The following PSD3 variants were observed in gnomAD, a reference collection of about 807,000 sequenced individuals.
PSD3 encodes PH and SEC7 domain-containing protein 3.
PSD3 carries 49 observed loss-of-function variants against 105.5 expected under a neutral mutation model. The observed-to-expected ratio is 0.46, with a 90% CI of 0.37 to 0.59. The LOEUF is 0.59. PSD3 is among the 20% of genes least tolerant of loss of function. The pLI, the probability that PSD3 is intolerant of heterozygous loss-of-function variation, is 0.00. For synonymous variants in PSD3, 557 were observed against 457.8 expected, an observed-to-expected ratio of 1.22 and a Z score of -2.77; for missense variants, 1,561 against 1,263.8, an observed-to-expected ratio of 1.24 and a Z score of -3.57.
At chr8:18,659,807 G>C (rs1159387601) in intron 9 of PSD3, among the ~76,000 whole-genome samples, 1 of 152,138 alleles carries the variant, frequency 6.6e-6, no homozygotes, top group Non-Finnish European at 1.5e-5. Flanking sequence ...TTTGTCATGA[G>C]AATGGCTAAA....
chr8:18,857,247 GCAGTAAACGCCTCTCAAAAGCAGCTTC>G (rs1198706928), intron 4 of PSD3, among the ~76,000 whole-genome samples: 1 of 152,196 alleles, frequency 6.6e-6, no homozygotes, highest in Non-Finnish European at 1.5e-5. Context: ...TAAGCAACTT[GCAGTAAACGCCTCTCAAAAGCAGCTTC>G]CAGTAAACGC....
chr8:18,583,255 G>T (rs959109422), intron 12 of PSD3, among the ~76,000 whole-genome samples: 2 of 152,106 alleles, frequency 1.3e-5, no homozygotes, highest in African/African-American at 4.8e-5. Context: ...CCTGGGTAAC[G>T]AAGTGAGATC....
At chr8:18,542,687 C>T (rs1033637154) in intron 15 of PSD3, among the ~76,000 whole-genome samples, 8 of 152,152 alleles carry the variant, frequency 5.3e-5, no homozygotes, top group Non-Finnish European at 1.2e-4. Flanking sequence ...AAGAGTCTTG[C>T]AGTCAAGTAG....
intron 1 of PSD3, among the ~76,000 whole-genome samples, chr8:19,036,107 A>T (rs1827936488): frequency 6.6e-6 from 1 of 152,144 alleles, no homozygotes; most frequent in Non-Finnish European, 1.5e-5. Flanking sequence ...ACCACTGCTG[A>T]GCCTTTTAGT....
intron 10 of PSD3, among the ~76,000 whole-genome samples, chr8:18,643,211 G>C (rs1158848095): frequency 6.6e-6 from 1 of 152,188 alleles, no homozygotes; most frequent in Non-Finnish European, 1.5e-5. Flanking sequence ...GTGTGAGAGA[G>C]GAAGAGGGCT....
At chr8:19,068,592 C>G (rs1319722021) in intron 1 of PSD3, among the ~76,000 whole-genome samples, 1 of 152,126 alleles carries the variant, frequency 6.6e-6, no homozygotes, top group Admixed American at 6.5e-5. Context: ...TGCTCATCTT[C>G]CTCTTCCCTT....
intron 14 of PSD3, among the ~76,000 whole-genome samples, chr8:18,559,099 A>C (rs1039281654): frequency 3.3e-5 from 5 of 152,136 alleles, no homozygotes; most frequent in African/African-American, 1.2e-4. Flanking sequence ...ACATTCTTAC[A>C]CATGTCTCCT....
intron 1 of PSD3, among the ~76,000 whole-genome samples, chr8:19,071,699 G>A (rs1245506464): frequency 2.1e-5 from 3 of 140,852 alleles, no homozygotes; most frequent in African/African-American, 8.1e-5. Flanking sequence ...GATTTCACGT[G>A]TCTGCCTCCG....
intron 2 of PSD3, among the ~76,000 whole-genome samples, chr8:18,902,447 T>C (rs1003870684): frequency 6.6e-6 from 1 of 152,250 alleles, no homozygotes; most frequent in Non-Finnish European, 1.5e-5. Context: ...TGAGTTACCA[T>C]AAAATTATTA....
Position 18,868,016 on chromosome 8 carries a change from G to A in PSD3, c.1292C>T (p.Pro431Leu), listed in dbSNP as rs745354131. 1.6e-5 allele frequency: 26 copies of A among 1,613,700 alleles called. No homozygotes were observed. The highest frequency in any genetic ancestry group is 2.2e-5 in the Non-Finnish European group (26 of 1,179,932). ...VKGEDEDILG[P>L]GYTEDSTDVY... ...GTCGGTGGAGTCCTCCGTATATCCA[G>A]GCCCAAGGATGTCTTCATCTTCCCC... Residue 431 changes from proline to leucine, a missense_variant, in exon 4 of 16, where the codon CCT becomes CTT. Transcript: ENST00000327040.
intron 1 of PSD3, among the ~76,000 whole-genome samples, chr8:18,964,788 T>A (rs1310843624): frequency 6.6e-6 from 1 of 152,206 alleles, no homozygotes; most frequent in African/African-American, 2.4e-5. Context: ...CTTTTACTTA[T>A]TTTGAAACTC....
At chr8:19,069,002 C>T (rs1211969442) in intron 1 of PSD3, among the ~76,000 whole-genome samples, 1 of 152,124 alleles carries the variant, frequency 6.6e-6, no homozygotes, top group East Asian at 1.9e-4. Context: ...CTTCATAATA[C>T]CTCAGCTTCC....
At chr8:18,733,892 A>G (rs886800564) in intron 9 of PSD3, 2 of 152,672 alleles carry the variant, frequency 1.3e-5, no homozygotes, top group African/African-American at 4.8e-5. Flanking sequence ...AAAAAAAGAA[A>G]AAGAGCAGAA....
Position 18,928,455 on chromosome 8 carries a change from T to C in PSD3, c.130+7579A>G, listed in dbSNP as rs533467166. 2.0e-4 allele frequency among the ~76,000 whole-genome samples: 30 copies of C among 152,344 alleles called. No individual in the cohort carries two copies. In the South Asian group the frequency reaches 6.2e-3, roughly 32 times the overall value. ...TTAGCAGCGTGAGAACAGACTAATG[T>C]ATTAAATTTCCCTCAAATGGTGAAC... On this transcript the variant is annotated intron_variant, in intron 2 of 15. Coordinates refer to ENST00000327040, the MANE Select transcript of PSD3 (RefSeq NM_015310.4).
At chr8:18,867,319 C>G (rs1012170167) in intron 4 of PSD3, among the ~76,000 whole-genome samples, 3 of 152,204 alleles carry the variant, frequency 2.0e-5, no homozygotes, top group African/African-American at 7.2e-5. Flanking sequence ...TTCAACCACC[C>G]TCAGTGCCAG....
intron 14 of PSD3, among the ~76,000 whole-genome samples, chr8:18,564,249 T>C (rs1476034281): frequency 1.3e-5 from 2 of 152,136 alleles, no homozygotes; most frequent in Admixed American, 6.6e-5. Context: ...ATATTTAGTA[T>C]TGGGATAAGG....
At chr8:18,966,082 C>T (rs1824224763) in intron 1 of PSD3, among the ~76,000 whole-genome samples, 1 of 152,180 alleles carries the variant, frequency 6.6e-6, no homozygotes, top group South Asian at 2.1e-4. Flanking sequence ...CCCAGGATTA[C>T]AGCTAGCACT....
chr8:18,874,779 T>G (rs1439605903), intron 2 of PSD3, among the ~76,000 whole-genome samples: 3 of 152,010 alleles, frequency 2.0e-5, no homozygotes, highest in African/African-American at 7.2e-5. Context: ...CTGATAATTA[T>G]TAATTACTGA....
chr8:18,656,515 T>C (rs1808907208), intron 9 of PSD3, among the ~76,000 whole-genome samples: 1 of 152,170 alleles, frequency 6.6e-6, no homozygotes, highest in Non-Finnish European at 1.5e-5. Context: ...TTATTATAAA[T>C]GTAACATCCC....
Sources: allele counts gnomAD v4.1 joint callset (sites outside exome capture counted in the v4.1 genomes callset), GRCh38; gene constraint gnomAD v4.1.1; transcripts MANE v1.5; gene names NCBI Gene and HGNC (gene_info 2026-07-23, HGNC 2026-07-21).